Variants in MCCC2 observed in about 807,000 individuals in gnomAD.
The protein encoded by MCCC2 is methylcrotonoyl-CoA carboxylase beta chain, mitochondrial.
A neutral mutation model predicts 77.2 loss-of-function variants in MCCC2; 52 were observed. That is an observed-to-expected ratio of 0.67 (90% CI 0.54 to 0.85). MCCC2 has a LOEUF of 0.85. Ranked by LOEUF, MCCC2 falls within the 40% of genes least tolerant of loss-of-function variation. The pLI, the probability that MCCC2 is intolerant of heterozygous loss-of-function variation, is 0.00. For synonymous variants in MCCC2, 253 were observed against 248.4 expected (o/e 1.02, Z -0.18); for missense variants, 682 against 703.2 (o/e 0.97, Z 0.34).
chr5:71,618,746 G>A (rs751712424), intron 6 of MCCC2, among the ~76,000 whole-genome samples: 1 of 152,136 alleles, frequency 6.6e-6, no homozygotes, highest in Non-Finnish European at 1.5e-5. Flanking sequence ...GCAGCAAACA[G>A]TCTAAGACAC....
At position 71,611,552 on chromosome 5, in the gene MCCC2, C is replaced by G. The variant is rs191637655; in HGVS notation, c.624+7084C>G. Among the ~76,000 whole-genome samples the G allele has an allele frequency of 4.9e-4, 75 of 152,228 alleles. 1 individual carries two copies. In the East Asian group the frequency reaches 0.013, roughly 26 times the overall value. On this transcript the variant is annotated intron_variant, in intron 6 of 16. Coordinates refer to ENST00000340941, the MANE Select transcript of MCCC2 (RefSeq NM_022132.5). ...TAAAATTGCATCTGTCAATATAAGTCTCAAAAAGTAGATTGAGTAAAAAAC... is the reference window on the plus strand; with the variant it reads ...TAAAATTGCATCTGTCAATATAAGTGTCAAAAAGTAGATTGAGTAAAAAAC...
chr5:71,619,883 C>T (rs947876926), intron 6 of MCCC2, among the ~76,000 whole-genome samples: 4 of 151,378 alleles, frequency 2.6e-5, no homozygotes, highest in Admixed American at 6.6e-5. Context: ...CCCAGCTACT[C>T]GGGAGGCTGA....
chr5:71,604,522 T>C (rs1375505303), intron 6 of MCCC2, 54 bp downstream of exon 6: 1 of 1,314,002 alleles, frequency 7.6e-7, no homozygotes, highest in Non-Finnish European at 1.1e-6. Context: ...TAAGTATCTT[T>C]ACGAATTAGG....
intron 7 of MCCC2, among the ~76,000 whole-genome samples, chr5:71,631,742 T>G (rs1238408998): frequency 6.7e-6 from 1 of 148,656 alleles, no homozygotes; most frequent in African/African-American, 2.5e-5. Flanking sequence ...GGGTTTCACC[T>G]TGTTAGCCAG....
intron 6 of MCCC2, among the ~76,000 whole-genome samples, chr5:71,612,997 G>A (rs894092423): frequency 6.6e-6 from 1 of 152,180 alleles, no homozygotes; most frequent in Non-Finnish European, 1.5e-5. Flanking sequence ...AGCTCCTGGT[G>A]GCTCCAGGTA....
At chr5:71,618,486 C>CTTCT (rs1364154541) in intron 6 of MCCC2, among the ~76,000 whole-genome samples, 1 of 138,072 alleles carries the variant, frequency 7.2e-6, no homozygotes, top group African/African-American at 2.8e-5. Context: ...TCCTTCTTTC[C>CTTCT]TTCTTCCTTC....
Position 71,649,322 on chromosome 5 carries a change from T to G in MCCC2, c.1373+69T>G, listed in dbSNP as rs1035243987. The G allele has an allele frequency of 1.6e-5, 23 of 1,434,776 alleles. No individual in the cohort carries two copies. The African/African-American group carries it at 2.2e-4, about 14-fold the overall frequency. 88.9% of individuals were successfully genotyped at this position (1,434,776 alleles called of 1,614,324 possible). A position where few individuals can be genotyped will look rare whatever the true frequency, so the allele number is the denominator to read the frequency against. On this transcript the variant is annotated intron_variant, in intron 14 of 16. Transcript: ENST00000340941. ...GTATAAAATACATGGTCAGTTTATTTCAGGTGTATTTGAAATATAGAATGC... is the reference window on the plus strand; with the variant it reads ...GTATAAAATACATGGTCAGTTTATTGCAGGTGTATTTGAAATATAGAATGC...
chr5:71,599,628 T>C (rs763448110), intron 3 of MCCC2, 31 bp from the exon 4 acceptor site: 4 of 1,548,564 alleles, frequency 2.6e-6, no homozygotes, highest in Admixed American at 3.3e-5. Flanking sequence ...TTAATGACAT[T>C]AATTCAAACA....
At chr5:71,607,481 G>T (rs1227573884) in intron 6 of MCCC2, among the ~76,000 whole-genome samples, 1 of 144,006 alleles carries the variant, frequency 6.9e-6, no homozygotes, top group African/African-American at 2.6e-5. Context: ...TTCTTTATTA[G>T]TCTTGCTAGC....
intron 3 of MCCC2, among the ~76,000 whole-genome samples, chr5:71,599,309 G>A (rs1237101631): frequency 6.6e-6 from 1 of 152,094 alleles, no homozygotes; most frequent in African/African-American, 2.4e-5. Flanking sequence ...GGTGGAGGTT[G>A]CAGTGAGCTG....
chr5:71,588,329 G>T (rs1359923993), intron 1 of MCCC2, among the ~76,000 whole-genome samples: 1 of 151,314 alleles, frequency 6.6e-6, no homozygotes, highest in Non-Finnish European at 1.5e-5. Context: ...GTATCTTTGA[G>T]TGGCTTTTCT....
At chr5:71,613,912 A>C (rs2112371717) in intron 6 of MCCC2, among the ~76,000 whole-genome samples, 1 of 151,704 alleles carries the variant, frequency 6.6e-6, no homozygotes, top group South Asian at 2.1e-4. Context: ...ATGGAGACTC[A>C]ATATATGATA....
At chr5:71,624,522 C>A (rs1746470797) in intron 6 of MCCC2, among the ~76,000 whole-genome samples, 1 of 151,716 alleles carries the variant, frequency 6.6e-6, no homozygotes, top group Non-Finnish European at 1.5e-5. Context: ...CGATTACAGG[C>A]ATGCACCACC....
intron 12 of MCCC2, among the ~76,000 whole-genome samples, chr5:71,644,728 T>C (rs1747232149): frequency 6.6e-6 from 1 of 152,138 alleles, no homozygotes; most frequent in African/African-American, 2.4e-5. Flanking sequence ...GTAAAAGTTC[T>C]CTTTATTGAT....
chr5:71,614,484 C>CTTT (rs34050987), intron 6 of MCCC2, among the ~76,000 whole-genome samples: 3,844 of 139,138 alleles, frequency 0.028, 90 homozygotes, highest in South Asian at 0.076. Flanking sequence ...CTCTCTCTCT[C>CTTT]TTTTTTTTTT....
chr5:71,636,044 G>A (rs369495852), intron 10 of MCCC2: 94 of 355,332 alleles, frequency 2.6e-4, no homozygotes, highest in African/African-American at 1.1e-3. Flanking sequence ...TAGTCTATAC[G>A]TATATTTTTT....
At chr5:71,587,756 G>C (rs1029967822) in intron 1 of MCCC2, among the ~76,000 whole-genome samples, 1 of 152,222 alleles carries the variant, frequency 6.6e-6, no homozygotes, top group Non-Finnish European at 1.5e-5. Context: ...TTGTGTCTTT[G>C]AAATCAGTGG....
intron 6 of MCCC2, among the ~76,000 whole-genome samples, chr5:71,606,196 C>T (rs948961696): frequency 6.6e-6 from 1 of 150,742 alleles, no homozygotes; most frequent in Non-Finnish European, 1.5e-5. Flanking sequence ...ATTGATTCTT[C>T]CTACCCATGA....
intron 10 of MCCC2, among the ~76,000 whole-genome samples, chr5:71,639,603 A>G (rs1561844479): frequency 6.6e-6 from 1 of 152,156 alleles, no homozygotes; most frequent in Non-Finnish European, 1.5e-5. Flanking sequence ...CTTTCTCGAC[A>G]TTATGGATTT....
Sources: gnomAD v4.1 joint callset for allele counts (sites outside exome capture counted in the v4.1 genomes callset) on GRCh38, gnomAD v4.1.1 for gene constraint, MANE v1.5 for transcripts, NCBI Gene and HGNC (gene_info 2026-07-23, HGNC 2026-07-21) for gene names.